The following PRKG1 variants were observed in gnomAD, a reference collection of about 807,000 sequenced individuals.
PRKG1 encodes the protein cGMP-dependent protein kinase 1.
Under a neutral mutation model 88.1 loss-of-function variants are expected in PRKG1, and 35 were observed. The ratio of observed to expected loss-of-function variants is 0.40; its 90% confidence interval spans 0.30 to 0.53. The LOEUF (loss-of-function observed/expected upper bound fraction) is 0.53. Ranked by LOEUF, PRKG1 falls within the 20% of genes least tolerant of loss-of-function variation. The pLI, the probability that PRKG1 is intolerant of heterozygous loss-of-function variation, is 0.59. For synonymous variants in PRKG1, 303 were observed against 292.5 expected (o/e 1.04, Z -0.37); for missense variants, 540 against 839.8 (o/e 0.64, Z 4.41).
chr10:51,099,877 G>A (rs1844636855), intron 1 of PRKG1, among the ~76,000 whole-genome samples: 1 of 152,104 alleles, frequency 6.6e-6, no homozygotes, highest in South Asian at 2.1e-4. Flanking sequence ...AAAACTTCGT[G>A]CCTTCAGTTT....
chr10:51,152,237 A>G (rs946566560), intron 1 of PRKG1, among the ~76,000 whole-genome samples: 1 of 152,086 alleles, frequency 6.6e-6, no homozygotes, highest in Admixed American at 6.6e-5. Context: ...CTGAATTCCA[A>G]TTACAAAATT....
chr10:51,613,635 G>A (rs1472239391), intron 3 of PRKG1, among the ~76,000 whole-genome samples: 1 of 151,478 alleles, frequency 6.6e-6, no homozygotes, highest in African/African-American at 2.4e-5. Context: ...TTTCTGTAAT[G>A]TTCCCTCTTA....
At chr10:52,181,559 A>C (rs1839031180) in intron 9 of PRKG1, among the ~76,000 whole-genome samples, 1 of 115,364 alleles carries the variant, frequency 8.7e-6, no homozygotes, top group African/African-American at 3.3e-5. Context: ...CATTAGGTAT[A>C]TCTCCCAAAG....
At chr10:52,174,139 G>A (rs901087489) in intron 9 of PRKG1, among the ~76,000 whole-genome samples, 8 of 151,726 alleles carry the variant, frequency 5.3e-5, no homozygotes, top group African/African-American at 1.9e-4. Context: ...TAAACTCCTT[G>A]TAATAGGACT....
rs150994559 is a variant in PRKG1, at chr10:51,457,500, C to A, written c.479-10223C>A. On this transcript the variant is annotated intron_variant, in intron 2 of 17. Coordinates refer to ENST00000373980, the MANE Select transcript of PRKG1 (RefSeq NM_006258.4). ...GTACGCTGCTCAGGTGATGGGTGAA[C>A]CAAAATCTCAGAAATCACCACTGAA... 3.4e-3 allele frequency among the ~76,000 whole-genome samples: 515 copies of A among 152,188 alleles called. 5 individuals are homozygous for A. Among genetic ancestry groups the A allele is most frequent in the African/African-American group, 0.012 (496 of 41,514 alleles).
intron 2 of PRKG1, among the ~76,000 whole-genome samples, chr10:51,177,501 T>A (rs1837226364): frequency 6.6e-6 from 1 of 152,166 alleles, no homozygotes; most frequent in African/African-American, 2.4e-5. Flanking sequence ...TCCAAGCCTT[T>A]CAATGACCAC....
chr10:51,064,426 C>T lies in PRKG1; in HGVS notation c.266+72782C>T, dbSNP rs1843725794. Among the ~76,000 whole-genome samples the T allele has an allele frequency of 2.0e-5, 3 of 152,072 alleles. No homozygotes were observed. The South Asian group carries it at 6.2e-4, about 31-fold the overall frequency. On this transcript the variant is annotated intron_variant, in intron 1 of 17. Transcript: ENST00000401604. ...AGAAACTTAGATTTCTGTTTAGACA[C>T]TGAAGCAGCATTATAACATTGCAGT...
chr10:52,066,767 G>A (rs1421694604), intron 7 of PRKG1, among the ~76,000 whole-genome samples: 3 of 152,190 alleles, frequency 2.0e-5, no homozygotes, highest in African/African-American at 7.2e-5. Flanking sequence ...AATATGAAAT[G>A]TGATTTTGTA....
intron 3 of PRKG1, among the ~76,000 whole-genome samples, chr10:51,717,137 G>A (rs1841905480): frequency 6.6e-6 from 1 of 152,216 alleles, no homozygotes; most frequent in Admixed American, 6.5e-5. Flanking sequence ...GCACCCTCAG[G>A]TCGACGTACC....
intron 1 of PRKG1, among the ~76,000 whole-genome samples, chr10:51,053,263 A>AC (rs1259606269): frequency 2.0e-5 from 3 of 151,316 alleles, no homozygotes; most frequent in Admixed American, 6.6e-5. Context: ...TAAAAAAAAA[A>AC]ACCATTTTCC....
chr10:52,137,752 G>C (rs1230963841), intron 8 of PRKG1, among the ~76,000 whole-genome samples: 1 of 152,102 alleles, frequency 6.6e-6, no homozygotes, highest in African/African-American at 2.4e-5. Flanking sequence ...TGTAACCAAT[G>C]TCTTTTTCAG....
Position 51,818,782 on chromosome 10 carries a change from C to T in PRKG1, c.698+14092C>T, listed in dbSNP as rs1196377365. ...CAGCACTTTGGGAGGCCGAGGCGGG[C>T]GGATCACGAGGTCAGGAGATCGAGA... On this transcript the variant is annotated intron_variant, in intron 4 of 17. Transcript: ENST00000373980. Among the ~76,000 whole-genome samples the T allele has an allele frequency of 1.2e-4, 17 of 137,738 alleles. 4 individuals carry two copies. Among genetic ancestry groups the T allele is most frequent in the Non-Finnish European group, 1.8e-4 (12 of 66,730 alleles). The allele number at this position is 137,738 out of a possible 152,430, so 90.4% of individuals were successfully genotyped here.
intron 3 of PRKG1, among the ~76,000 whole-genome samples, chr10:51,628,045 T>TC (rs1839409495): frequency 7.4e-6 from 1 of 134,616 alleles, no homozygotes; most frequent in South Asian, 2.4e-4. Context: ...TTTCCTTCCT[T>TC]CTTTCCTTTC....
intron 3 of PRKG1, among the ~76,000 whole-genome samples, chr10:51,535,306 C>T (rs1355985958): frequency 2.0e-5 from 3 of 152,136 alleles, no homozygotes; most frequent in Non-Finnish European, 2.9e-5. Context: ...GCAGTATTAT[C>T]TCTGTTTCCT....
chr10:51,909,137 T>C (rs1457051809), intron 5 of PRKG1: 2 of 152,194 alleles, frequency 1.3e-5, no homozygotes, highest in Non-Finnish European at 2.9e-5. Context: ...GTTTCTGTTG[T>C]AAATAATTAG....
At chr10:51,646,637 A>C (rs1450054267) in intron 3 of PRKG1, among the ~76,000 whole-genome samples, 1 of 152,130 alleles carries the variant, frequency 6.6e-6, no homozygotes, top group Non-Finnish European at 1.5e-5. Flanking sequence ...CAAATCTCTT[A>C]AAGAAGGAAA....
intron 4 of PRKG1, among the ~76,000 whole-genome samples, chr10:51,882,763 G>A (rs1349249947): frequency 6.6e-6 from 1 of 152,178 alleles, no homozygotes; most frequent in Non-Finnish European, 1.5e-5. Flanking sequence ...TCTCAGAAGA[G>A]TCATCAATCC....
rs1009213697 is a variant in PRKG1 at position 51,737,705 on chromosome 10, T to TTTTA, written c.593-66849_593-66846dup. ...TGGTAGGGAGCCTAGGACTCTATAT[T>TTTTA]TTTATTTATTTATTTATTTATTTAT... On this transcript the variant is annotated intron_variant, in intron 3 of 17. Transcript: ENST00000373980. Among the ~76,000 whole-genome samples the TTTTA allele has an allele frequency of 7.4e-3, 1,077 of 144,862 alleles. 8 individuals are homozygous for TTTTA. The highest frequency in any genetic ancestry group is 0.019 in the South Asian group (87 of 4,504).
chr10:51,176,785 T>C (rs552140491), intron 2 of PRKG1, among the ~76,000 whole-genome samples: 6 of 152,230 alleles, frequency 3.9e-5, no homozygotes, highest in African/African-American at 1.4e-4. Flanking sequence ...ACTTGGAGTA[T>C]GATGGAGATG....
Sources: gnomAD v4.1 joint callset for allele counts (sites outside exome capture counted in the v4.1 genomes callset) on GRCh38, gnomAD v4.1.1 for gene constraint, MANE v1.5 for transcripts, NCBI Gene and HGNC (gene_info 2026-07-23, HGNC 2026-07-21) for gene names.